PIAS1: variants seen among roughly 807,000 people sequenced by gnomAD.
PIAS1 encodes the protein protein inhibitor of activated STAT 1.
Under a neutral mutation model 71.3 loss-of-function variants are expected in PIAS1, and 6 were observed. The ratio of observed to expected loss-of-function variants is 0.08; its 90% CI spans 0.05 to 0.17. The LOEUF is 0.17. PIAS1 is among the 10% of genes least tolerant of loss of function. PIAS1 has a pLI of 1.00. For missense variants in PIAS1, 555 were observed against 793.6 expected (o/e 0.70, Z 3.61); for synonymous variants, 303 against 292.9 (o/e 1.03, Z -0.35).
intron 8 of PIAS1, among the ~76,000 whole-genome samples, chr15:68,169,853 T>C (rs570930145): frequency 2.3e-4 from 35 of 152,212 alleles, no homozygotes; most frequent in Non-Finnish European, 4.9e-4. Context: ...CACAATCATA[T>C]TGTGTAGATC....
chr15:68,157,114 C>T (rs2092895759), intron 7 of PIAS1, among the ~76,000 whole-genome samples: 1 of 152,032 alleles, frequency 6.6e-6, no homozygotes, highest in Non-Finnish European at 1.5e-5. Context: ...CATGGTAATG[C>T]CATTTACTGA....
At position 68,065,915 on chromosome 15, in the gene PIAS1, C is replaced by CT. The variant is rs869104577; in HGVS notation, c.24+11593dup. On this transcript the variant is annotated intron_variant, in intron 1 of 13. Transcript: ENST00000249636. The stretch of plus-strand genomic sequence containing the variant: ...GCCACCATGCTCAGCTGACTAAAAG[C>CT]TTTTTTTTTTTTTTTTTTTTTTTTT... 9.5e-3 allele frequency among the ~76,000 whole-genome samples: 381 copies of CT among 40,166 alleles called. 104 individuals carry two copies. The highest frequency in any genetic ancestry group is 0.015 in the African/African-American group (114 of 7,526). 26.4% of individuals were successfully genotyped at this position (40,166 alleles called of 152,430 possible).
In PIAS1 at chr15:68,054,611, A is replaced by ACTC. The variant is rs2091874588; in HGVS notation, c.24+261_24+262insCTC. The stretch of plus-strand genomic sequence containing the variant: ...CGCCTCTGGCGGGGGTGGCGGGGGA[A>ACTC]GAGATAGGGAGTCCGGAGGTAGGGG... On this transcript the variant is annotated intron_variant, in intron 1 of 13. Coordinates refer to ENST00000249636, the MANE Select transcript of PIAS1 (RefSeq NM_016166.3). This position sits in a 1 kb window ranked among gnomAD's most constrained non-coding sequence, Gnocchi z 4.6. 2.5e-6 allele frequency: 1 copy of ACTC among 404,304 alleles called. No individual in the cohort carries two copies. The highest frequency in any genetic ancestry group is 4.4e-6 in the Non-Finnish European group (1 of 226,906). The allele number at this position is 404,304 out of a possible 1,614,324, so 25.0% of individuals were successfully genotyped here.
At chr15:68,153,513 C>A in intron 6 of PIAS1, 77 bp from the exon 7 acceptor site, 1 of 666,302 alleles carries the variant, frequency 1.5e-6, no homozygotes, top group East Asian at 2.6e-5. Context: ...GTTTTCTTTC[C>A]CTATCATGGT....
chr15:68,063,313 T>C (rs2140955969), intron 1 of PIAS1, among the ~76,000 whole-genome samples: 1 of 152,364 alleles, frequency 6.6e-6, no homozygotes, highest in Non-Finnish European at 1.5e-5. Context: ...TTAAGACTTT[T>C]TCTTGCAGTC....
intron 2 of PIAS1, among the ~76,000 whole-genome samples, chr15:68,100,340 T>C (rs2092412455): frequency 6.6e-6 from 1 of 152,188 alleles, no homozygotes; most frequent in African/African-American, 2.4e-5. Context: ...TTATCACATG[T>C]AACTACCACC....
intron 2 of PIAS1, among the ~76,000 whole-genome samples, chr15:68,123,051 T>G (rs1422227419): frequency 6.6e-6 from 1 of 152,004 alleles, no homozygotes; most frequent in Non-Finnish European, 1.5e-5. Context: ...TCTTTTTATT[T>G]TTTTCTTTTT....
chr15:68,130,965 T>C (rs1250856349), intron 2 of PIAS1, among the ~76,000 whole-genome samples: 4 of 152,168 alleles, frequency 2.6e-5, no homozygotes, highest in African/African-American at 7.2e-5. Flanking sequence ...TATTTAGTTA[T>C]CAAAATAATT....
At chr15:68,141,875 T>C in intron 2 of PIAS1, 71 bp from the exon 3 acceptor site, 2 of 621,620 alleles carry the variant, frequency 3.2e-6, no homozygotes, top group Non-Finnish European at 5.2e-6. Flanking sequence ...ACATGTGTGT[T>C]TTTTTTTTTT....
At position 68,191,423 on chromosome 15, in the gene PIAS1, G is replaced by C. The variant is rs1360282478; in HGVS notation, c.*3588G>C. On this transcript the variant is annotated 3_prime_UTR_variant, in exon 14 of 14. Coordinates refer to ENST00000249636, the MANE Select transcript of PIAS1 (RefSeq NM_016166.3). ...TACCTATTGAATGTTACCTGTTTAT[G>C]TAGAGCTCTTTAGATGTAATAAAAG... The C allele has an allele frequency of 6.6e-6, 1 of 152,634 alleles. No individual in the cohort carries two copies. Among genetic ancestry groups the C allele is most frequent in the African/African-American group, 2.4e-5 (1 of 41,454 alleles). 9.5% of individuals were successfully genotyped at this position (152,634 alleles called of 1,614,324 possible).
intron 1 of PIAS1, among the ~76,000 whole-genome samples, chr15:68,081,788 G>T (rs1051753062): frequency 6.6e-6 from 1 of 151,936 alleles, no homozygotes; most frequent in Non-Finnish European, 1.5e-5. Flanking sequence ...AATAATAAGT[G>T]TATAAGAAAG....
chr15:68,138,511 G>T (rs1462766822), intron 2 of PIAS1, among the ~76,000 whole-genome samples: 3 of 152,148 alleles, frequency 2.0e-5, no homozygotes, highest in Admixed American at 2.0e-4. Flanking sequence ...TTTCACTCTT[G>T]TTGCCCAGGC....
intron 2 of PIAS1, among the ~76,000 whole-genome samples, chr15:68,140,778 A>G (rs1486195476): frequency 2.6e-5 from 4 of 152,186 alleles, no homozygotes; most frequent in Non-Finnish European, 5.9e-5. Flanking sequence ...GAAACAGCCA[A>G]CTTCAGCTGC....
intron 1 of PIAS1, among the ~76,000 whole-genome samples, chr15:68,079,978 A>G (rs757593325): frequency 3.6e-4 from 55 of 152,068 alleles, no homozygotes; most frequent in Admixed American, 5.9e-4. Context: ...GATTACAGGC[A>G]TGCACCACCA....
At chr15:68,144,580 A>T (rs898210813) in intron 4 of PIAS1, among the ~76,000 whole-genome samples, 1 of 152,146 alleles carries the variant, frequency 6.6e-6, no homozygotes, top group Non-Finnish European at 1.5e-5. Flanking sequence ...TGATCACTGC[A>T]TTGGAATAAT....
At chr15:68,081,100 T>C (rs7183887) in intron 1 of PIAS1, among the ~76,000 whole-genome samples, 1,657 of 152,360 alleles carry the variant, frequency 0.011, 30 homozygotes, top group African/African-American at 0.036. Context: ...TCTCAGAACA[T>C]GGCCCCTGCC....
intron 2 of PIAS1, among the ~76,000 whole-genome samples, chr15:68,132,744 C>T (rs1567056802): frequency 6.6e-6 from 1 of 151,992 alleles, no homozygotes; most frequent in Non-Finnish European, 1.5e-5. Context: ...AGAACAAAAA[C>T]CGAAATTATG....
chr15:68,156,331 T>A (rs2092889066), intron 7 of PIAS1, among the ~76,000 whole-genome samples: 1 of 152,136 alleles, frequency 6.6e-6, no homozygotes, highest in Admixed American at 6.5e-5. Context: ...AAGGCAAGAT[T>A]ATAAGTATGA....
In PIAS1 at chr15:68,160,753, A is replaced by G. The variant is rs1006114748; in HGVS notation, c.935-3978A>G. ...CAGAAAAAGCACTTGGCCAAATTCA[A>G]CATCCATTCATGATAAAACTGTCAG... On this transcript the variant is annotated intron_variant, in intron 7 of 13. Transcript: ENST00000249636. Among the ~76,000 whole-genome samples the G allele has an allele frequency of 1.2e-4, 19 of 152,346 alleles. No individual in the cohort carries two copies. In the South Asian group the frequency reaches 2.9e-3, roughly 23 times the overall value.
Sources: allele counts gnomAD v4.1 joint callset (sites outside exome capture counted in the v4.1 genomes callset), GRCh38; gene constraint gnomAD v4.1.1; non-coding constraint Gnocchi (gnomAD v3.1); transcripts MANE v1.5; gene names NCBI Gene and HGNC (gene_info 2026-07-23, HGNC 2026-07-21).